Variants in PHF19 observed in about 807,000 individuals in gnomAD.
PHF19 encodes the protein PHD finger protein 19, also known as polycomb like 3.
PHF19 carries 21 observed loss-of-function variants against 79.8 expected under a neutral mutation model. That is an observed-to-expected ratio of 0.26 (90% CI 0.19 to 0.38). PHF19 has a LOEUF of 0.38. Ranked by LOEUF, PHF19 falls within the 10% of genes least tolerant of loss-of-function variation. PHF19 has a pLI of 1.00. For synonymous variants in PHF19, 273 were observed against 296.3 expected (o/e 0.92, Z 0.81); for missense variants, 445 against 744.2 (o/e 0.60, Z 4.68).
chr9:120,861,261 C>T, intron 12 of PHF19, 87 bp from the exon 13 acceptor site: 2 of 815,752 alleles, frequency 2.5e-6, no homozygotes, highest in Admixed American at 1.7e-5. Context: ...CCAGCCAGGG[C>T]CGCTGAGGGC....
rs2045842584 is a variant in PHF19, at chr9:120,869,911, G to C, written c.399C>G (p.Gly133=). ...GTGTGAGCAGGGGCTGGTCAGCACT[G>C]CCCGCTATGGGGATGTGGCACTGCT... ...YHQQCHIPIA[G]SADQPLLTPW... Residue 133 remains glycine, a synonymous_variant, in exon 5 of 15, where the codon GGC becomes GGG. Coordinates refer to ENST00000373896, the MANE Select transcript of PHF19 (RefSeq NM_015651.3). This position sits in a 1 kb window ranked among gnomAD's most constrained non-coding sequence, Gnocchi z 5.8. 1.9e-6 allele frequency: 3 copies of C among 1,592,272 alleles called. No individual in the cohort carries two copies. Among genetic ancestry groups the C allele is most frequent in the South Asian group, 2.3e-5 (2 of 87,906 alleles).
In PHF19 at chr9:120,870,045, A is replaced by G; in HGVS notation, c.365-100T>C. Reference sequence around the variant, plus strand: ...GGCTGGGAGGGCTGAGGGAAGTCCTAGGAGCTCTGCCTGCCAGCTGCCGGG... The same window carrying G: ...GGCTGGGAGGGCTGAGGGAAGTCCTGGGAGCTCTGCCTGCCAGCTGCCGGG... On this transcript the variant is annotated intron_variant, in intron 4 of 14. Transcript: ENST00000373896. The surrounding 1 kb of genome is among the most constrained non-coding windows in gnomAD (Gnocchi z 4.4). 1.3e-6 allele frequency: 2 copies of G among 1,484,050 alleles called. No individual in the cohort carries two copies. The highest frequency in any genetic ancestry group is 1.3e-5 in the South Asian group (1 of 76,808). The allele number at this position is 1,484,050 out of a possible 1,614,324, so 91.9% of individuals were successfully genotyped here.
rs1311852385 is a variant in PHF19, at chr9:120,856,058, C to T, written c.*1886G>A. 6.6e-6 allele frequency: 1 copy of T among 152,634 alleles called. No individual in the cohort carries two copies. The highest frequency in any genetic ancestry group is 2.4e-5 in the African/African-American group (1 of 41,460). 9.5% of individuals were successfully genotyped at this position (152,634 alleles called of 1,614,324 possible). Reference sequence around the variant, plus strand: ...GGAAGCTACAAATTGGATCCCAGTTCCCACAGCACCCCTGGGCTAGGGGTT... The same window carrying T: ...GGAAGCTACAAATTGGATCCCAGTTTCCACAGCACCCCTGGGCTAGGGGTT... On this transcript the variant is annotated 3_prime_UTR_variant, in exon 15 of 15. Coordinates refer to ENST00000373896, the MANE Select transcript of PHF19 (RefSeq NM_015651.3).
In PHF19 at chr9:120,869,545, A is replaced by C; in HGVS notation, c.466-215T>G. The C allele has an allele frequency of 7.0e-7, 1 of 1,429,318 alleles. No individual in the cohort carries two copies. Among genetic ancestry groups the C allele is most frequent in the South Asian group, 1.5e-5 (1 of 67,864 alleles). 88.5% of individuals were successfully genotyped at this position (1,429,318 alleles called of 1,614,324 possible). A position where few individuals can be genotyped will look rare whatever the true frequency, so the allele number is the denominator to read the frequency against. ...GTTGATAACAGAATTAAGAGTAATA[A>C]GCGCAATAAAGGCAACAATTACCAA... On this transcript the variant is annotated intron_variant, in intron 5 of 14. Transcript: ENST00000373896. The surrounding 1 kb of genome is among the most constrained non-coding windows in gnomAD (Gnocchi z 5.8).
rs545649077 is a variant in PHF19 at position 120,891,407 on chromosome 9, T to C, written c.42+3381A>G. Among the ~76,000 whole-genome samples the C allele has an allele frequency of 1.2e-4, 18 of 152,266 alleles. No individual in the cohort carries two copies. Among genetic ancestry groups the C allele is most frequent in the African/African-American group, 3.6e-4 (15 of 41,534 alleles). On this transcript the variant is annotated intron_variant, in intron 1 of 14. Coordinates refer to the PHF19 transcript ENST00000616568. This position sits in a 1 kb window ranked among gnomAD's most constrained non-coding sequence, Gnocchi z 4.3. ...CCCGCACACCTGCCGTACTTTGGGA[T>C]CACCCCGGGAACCTTAACATGCTGA...
intron 1 of PHF19, among the ~76,000 whole-genome samples, chr9:120,894,398 G>C (rs1024556240): frequency 6.6e-6 from 1 of 152,104 alleles, no homozygotes; most frequent in African/African-American, 2.4e-5. Context: ...CTCTGTCTGC[G>C]GCGGAGACTC....
chr9:120,893,459 G>A (rs970676631), intron 1 of PHF19, among the ~76,000 whole-genome samples: 1 of 152,180 alleles, frequency 6.6e-6, no homozygotes, highest in Admixed American at 6.5e-5. Context: ...ATGTGCTAAA[G>A]ACCCTGTCCT....
At chr9:120,868,875 C>CGTTA (rs2045792101) in intron 6 of PHF19, 1 of 1,131,666 alleles carries the variant, frequency 8.8e-7, no homozygotes, top group Admixed American at 5.0e-5. Flanking sequence ...GCCCCAAGGT[C>CGTTA]TAACCTTCCG....
upstream of PHF19, among the ~76,000 whole-genome samples, chr9:120,896,945 A>G (rs1046171872): frequency 2.0e-5 from 3 of 152,202 alleles, no homozygotes; most frequent in African/African-American, 4.8e-5. Flanking sequence ...ATCTGCCCAG[A>G]GTGTAGTGGG....
At position 120,889,814 on chromosome 9, in the gene PHF19, A is replaced by AG. The variant is rs397958168; in HGVS notation, c.42+4973_42+4974insC. ...AAGAAAGGAAGAAAGAAAGAAAGAG[A>AG]AAGAAAAAAGAGAAAAAGAAAAAGA... On this transcript the variant is annotated intron_variant, in intron 1 of 14. Coordinates refer to the PHF19 transcript ENST00000616568. 6.4e-4 allele frequency among the ~76,000 whole-genome samples: 97 copies of AG among 151,200 alleles called. 1 individual carries two copies. The highest frequency in any genetic ancestry group is 2.2e-3 in the African/African-American group (92 of 41,178).
intron 9 of PHF19, 100 bp downstream of exon 9, chr9:120,865,610 C>T (rs563597407): frequency 2.1e-6 from 3 of 1,434,042 alleles, no homozygotes; most frequent in East Asian, 2.3e-5. Flanking sequence ...TGCAGCAACT[C>T]AAGGGTGAGA....
chr9:120,903,046 G>T, the PHF19 span: 1 of 152,238 alleles, frequency 6.6e-6, no homozygotes, highest in Non-Finnish European at 1.5e-5. Context: ...TCAACACTCG[G>T]TGAGTAGGGA....
chr9:120,902,819 G>C, the PHF19 span: 1 of 152,346 alleles, frequency 6.6e-6, no homozygotes, highest in Non-Finnish European at 1.5e-5. Flanking sequence ...ACTGAACTAA[G>C]AGTTTCTTGA....
chr9:120,886,832 T>G (rs61250819), intron 1 of PHF19, among the ~76,000 whole-genome samples: 1,681 of 152,316 alleles, frequency 0.011, 27 homozygotes, highest in African/African-American at 0.038. Flanking sequence ...GTGGTTAACA[T>G]TTATCATCAG....
At position 120,874,228 on chromosome 9, in the gene PHF19, G is replaced by A. The variant is rs936813272; in HGVS notation, c.187-168C>T. On this transcript the variant is annotated intron_variant, in intron 2 of 14. Transcript: ENST00000373896. The surrounding 1 kb of genome is among the most constrained non-coding windows in gnomAD (Gnocchi z 4.5). Reference sequence around the variant, plus strand: ...GGTGTACTCCTAGTCACCTGGAGTCGTACAGCCAGGGACCGATGGATGGCA... The same window carrying A: ...GGTGTACTCCTAGTCACCTGGAGTCATACAGCCAGGGACCGATGGATGGCA... Among the ~76,000 whole-genome samples, 5 of 152,172 alleles carry A rather than the reference G, an allele frequency of 3.3e-5. No individual in the cohort carries two copies. The highest frequency in any genetic ancestry group is 9.7e-5 in the African/African-American group (4 of 41,434).
In PHF19 at chr9:120,860,044, T is replaced by G. The variant is rs976022655; in HGVS notation, c.1400+46A>C. On this transcript the variant is annotated intron_variant, in intron 14 of 14. Coordinates refer to ENST00000373896, the MANE Select transcript of PHF19 (RefSeq NM_015651.3). This position sits in a 1 kb window ranked among gnomAD's most constrained non-coding sequence, Gnocchi z 4.1. Reference sequence around the variant, plus strand: ...TGGGAGGTGGAGGGGCTGAGAGGAATGATGGTCCTTGCAAAATGTGAAGGC... The same window carrying G: ...TGGGAGGTGGAGGGGCTGAGAGGAAGGATGGTCCTTGCAAAATGTGAAGGC... The G allele has an allele frequency of 3.0e-5, 29 of 958,766 alleles. No homozygotes were observed. Among genetic ancestry groups the G allele is most frequent in the Non-Finnish European group, 4.3e-5 (26 of 604,524 alleles). The allele number at this position is 958,766 out of a possible 1,614,324, so 59.4% of individuals were successfully genotyped here. A position where few individuals can be genotyped will look rare whatever the true frequency, so the allele number is the denominator to read the frequency against.
chr9:120,887,854 A>G (rs1306318260), intron 1 of PHF19, among the ~76,000 whole-genome samples: 1 of 152,208 alleles, frequency 6.6e-6, no homozygotes, highest in East Asian at 1.9e-4. Flanking sequence ...ATCTGTATAC[A>G]TACCTAGTGT....
At chr9:120,865,994 G>C (rs777326413) in intron 8 of PHF19, 34 bp downstream of exon 8, 22 of 1,582,206 alleles carry the variant, frequency 1.4e-5, no homozygotes, top group South Asian at 3.3e-5. Flanking sequence ...GCTGGGAGGA[G>C]CAGCGGTGGT....
intron 1 of PHF19, among the ~76,000 whole-genome samples, chr9:120,886,493 G>A (rs1392770334): frequency 6.6e-6 from 1 of 152,216 alleles, no homozygotes; most frequent in Non-Finnish European, 1.5e-5. Flanking sequence ...GGTCTGTGCA[G>A]GTCACAGGGA....
Sources: gnomAD v4.1 joint callset for allele counts (sites outside exome capture counted in the v4.1 genomes callset) on GRCh38, gnomAD v4.1.1 for gene constraint, Gnocchi (gnomAD v3.1) non-coding constraint, MANE v1.5 for transcripts, NCBI Gene and HGNC (gene_info 2026-07-23, HGNC 2026-07-21) for gene names.